The following AGPAT3 variants were observed in gnomAD, a reference collection of about 807,000 sequenced individuals.
AGPAT3 encodes the protein 1-acylglycerol-3-phosphate O-acyltransferase 3, also known as 1-acyl-sn-glycerol-3-phosphate acyltransferase gamma.
AGPAT3 carries 5 observed loss-of-function variants against 47.3 expected under a neutral mutation model. That is an observed-to-expected ratio of 0.11 (90% CI 0.06 to 0.22). The LOEUF is 0.22. Ranked by LOEUF, AGPAT3 falls within the 10% of genes least tolerant of loss-of-function variation. The probability of loss-of-function intolerance (pLI) is 1.00; values close to 1 mark genes in which losing one functional copy is unlikely to be tolerated. For synonymous variants in AGPAT3, 212 were observed against 208.3 expected (o/e 1.02, Z -0.15); for missense variants, 315 against 493.0 (o/e 0.64, Z 3.42).
intron 2 of AGPAT3, among the ~76,000 whole-genome samples, chr21:43,936,971 A>T (rs1413248183): frequency 6.6e-6 from 1 of 152,230 alleles, no homozygotes; most frequent in Admixed American, 6.5e-5. Context: ...GGTCCCTGGG[A>T]TGCTGGTTCC....
rs573135412 is a variant in AGPAT3, at chr21:43,901,200, C to T, written c.-111-2757C>T. 9.2e-4 allele frequency among the ~76,000 whole-genome samples: 139 copies of T among 151,824 alleles called. 2 individuals are homozygous for T. The highest frequency in any genetic ancestry group is 3.1e-3 in the African/African-American group (130 of 41,412). Reference sequence around the variant, plus strand: ...ATTAGCTGGGCATAGTGGTATGCACCTGTAGTGCCAGCTACTCAACGGCAG... The same window carrying T: ...ATTAGCTGGGCATAGTGGTATGCACTTGTAGTGCCAGCTACTCAACGGCAG... On this transcript the variant is annotated intron_variant, in intron 1 of 9. Coordinates refer to ENST00000291572, the MANE Select transcript of AGPAT3 (RefSeq NM_020132.5).
At chr21:43,978,885 G>A (rs1044215561) in intron 8 of AGPAT3, among the ~76,000 whole-genome samples, 5 of 152,140 alleles carry the variant, frequency 3.3e-5, no homozygotes, top group Admixed American at 6.5e-5. Context: ...TGTTTTATAC[G>A]CACAAATGCA....
intron 2 of AGPAT3, among the ~76,000 whole-genome samples, chr21:43,958,718 TGTGTG>T (rs1367127566): frequency 9.4e-5 from 14 of 149,346 alleles, no homozygotes; most frequent in Non-Finnish European, 1.8e-4. Flanking sequence ...TGGTTTGTGA[TGTGTG>T]GTGTGTGTGG....
At chr21:43,961,538 A>G (rs1329429991) in intron 3 of AGPAT3, among the ~76,000 whole-genome samples, 2 of 151,888 alleles carry the variant, frequency 1.3e-5, no homozygotes, top group Non-Finnish European at 2.9e-5. Flanking sequence ...GAGCGCGTAT[A>G]CACTTTGTCT....
At chr21:43,890,728 C>CATTT (rs779054640) in intron 1 of AGPAT3, among the ~76,000 whole-genome samples, 6 of 86,074 alleles carry the variant, frequency 7.0e-5, no homozygotes, top group South Asian at 7.6e-4. Flanking sequence ...TTTTTTTTTT[C>CATTT]ATTTATTTAT....
intron 1 of AGPAT3, among the ~76,000 whole-genome samples, chr21:43,876,015 C>T (rs1425988332): frequency 6.6e-6 from 1 of 151,910 alleles, no homozygotes; most frequent in Non-Finnish European, 1.5e-5. Flanking sequence ...TCTTGAACTC[C>T]CAAGGTCAAG....
At chr21:43,906,310 G>A (rs1368120320) in intron 2 of AGPAT3, among the ~76,000 whole-genome samples, 1 of 152,074 alleles carries the variant, frequency 6.6e-6, no homozygotes, top group African/African-American at 2.4e-5. Flanking sequence ...CTAAGCAGAC[G>A]GTGTGGCACT....
At chr21:43,967,738 T>C (rs911785243) in intron 3 of AGPAT3, 4 of 559,152 alleles carry the variant, frequency 7.2e-6, no homozygotes, top group Admixed American at 3.2e-5. Context: ...CCCTTTCTGC[T>C]GCTACCTTCC....
At chr21:43,899,516 A>G (rs1017266400) in intron 1 of AGPAT3, among the ~76,000 whole-genome samples, 6 of 152,206 alleles carry the variant, frequency 3.9e-5, no homozygotes, top group African/African-American at 1.4e-4. Flanking sequence ...GGTCTGAGCG[A>G]TTCGTGACCG....
At chr21:43,925,745 AT>A (rs539406358) in intron 2 of AGPAT3, among the ~76,000 whole-genome samples, 112 of 152,314 alleles carry the variant, frequency 7.4e-4, no homozygotes, top group African/African-American at 2.6e-3. Flanking sequence ...CACCTGTGAC[AT>A]TCATGCATCT....
Position 43,970,854 on chromosome 21 carries a change from A to G in AGPAT3, c.664+48A>G. ...CGGGGCCACCGCTATGCTCACGGAA[A>G]ATAGTGATTTCTTTAAAAAAAAAAA... On this transcript the variant is annotated intron_variant, in intron 6 of 9. Coordinates refer to ENST00000291572, the MANE Select transcript of AGPAT3 (RefSeq NM_020132.5). The surrounding 1 kb of genome is among the most constrained non-coding windows in gnomAD (Gnocchi z 5.8). 6.9e-7 allele frequency: 1 copy of G among 1,448,122 alleles called. No homozygotes were observed. Among genetic ancestry groups the G allele is most frequent in the Non-Finnish European group, 9.1e-7 (1 of 1,100,894 alleles). The allele number at this position is 1,448,122 out of a possible 1,614,324, so 89.7% of individuals were successfully genotyped here.
intron 7 of AGPAT3, among the ~76,000 whole-genome samples, chr21:43,976,222 A>G (rs946661646): frequency 3.9e-5 from 6 of 152,090 alleles, no homozygotes; most frequent in African/African-American, 1.4e-4. Flanking sequence ...GCATTCCACC[A>G]TGTCTGGCTA....
At chr21:43,869,533 G>A (rs1053767817) in intron 1 of AGPAT3, among the ~76,000 whole-genome samples, 17 of 152,230 alleles carry the variant, frequency 1.1e-4, no homozygotes, top group Non-Finnish European at 1.3e-4. Flanking sequence ...CAGGTGCCAC[G>A]ATGAGATGGG....
At chr21:43,943,442 C>T (rs545628474) in intron 2 of AGPAT3, among the ~76,000 whole-genome samples, 32 of 152,176 alleles carry the variant, frequency 2.1e-4, no homozygotes, top group African/African-American at 3.1e-4. Flanking sequence ...AGGATTTTAT[C>T]GATCACCTAC....
At chr21:43,959,603 C>T (rs1459857778) in intron 2 of AGPAT3, 31 bp from the exon 3 acceptor site, 1 of 1,595,076 alleles carries the variant, frequency 6.3e-7, no homozygotes, top group African/African-American at 1.3e-5. Context: ...GCGTGGCCAC[C>T]CTGACGCTGT....
At chr21:43,969,425 C>G (rs2089299658) in intron 5 of AGPAT3, 146 bp downstream of exon 5, 2 of 1,069,222 alleles carry the variant, frequency 1.9e-6, no homozygotes, top group East Asian at 2.6e-5. Context: ...ATGACTCCCC[C>G]ATCTGAGCTG....
At chr21:43,928,643 G>T (rs117917246) in intron 2 of AGPAT3, among the ~76,000 whole-genome samples, 3 of 152,226 alleles carry the variant, frequency 2.0e-5, no homozygotes, top group African/African-American at 7.2e-5. Flanking sequence ...CGTGATAATT[G>T]TTCCAACAGA....
intron 3 of AGPAT3, among the ~76,000 whole-genome samples, chr21:43,963,812 CT>C (rs2088995833): frequency 6.6e-6 from 1 of 151,656 alleles, no homozygotes; most frequent in South Asian, 2.1e-4. Context: ...CAGCAGATTT[CT>C]TACGGCAGGC....
At position 43,939,388 on chromosome 21, in the gene AGPAT3, T is replaced by C. The variant is rs1472655608; in HGVS notation, c.-48-20246T>C. ...GCGATGCTCTGGTCCCTGGGTCCTT[T>C]GATCTCATCTCCCTAGTTTAGCCTT... On this transcript the variant is annotated intron_variant, in intron 2 of 9. Coordinates refer to ENST00000291572, the MANE Select transcript of AGPAT3 (RefSeq NM_020132.5). This position sits in a 1 kb window ranked among gnomAD's most constrained non-coding sequence, Gnocchi z 4.4. Among the ~76,000 whole-genome samples the C allele has an allele frequency of 6.6e-6, 1 of 152,098 alleles. No individual in the cohort carries two copies. The highest frequency in any genetic ancestry group is 6.5e-5 in the Admixed American group (1 of 15,274).
Sources: allele counts gnomAD v4.1 joint callset (sites outside exome capture counted in the v4.1 genomes callset), GRCh38; gene constraint gnomAD v4.1.1; non-coding constraint Gnocchi (gnomAD v3.1); transcripts MANE v1.5; gene names NCBI Gene and HGNC (gene_info 2026-07-23, HGNC 2026-07-21).